The following CAMK1D variants were observed in gnomAD, a reference collection of about 807,000 sequenced individuals.
CAMK1D encodes calcium/calmodulin-dependent protein kinase type 1D.
In CAMK1D, 9 loss-of-function variants were observed where a neutral mutation model predicts 47.7. That is an observed-to-expected ratio of 0.19 (90% CI 0.11 to 0.33). The LOEUF is 0.33. CAMK1D is among the 10% of genes least tolerant of loss of function. The pLI, the probability that CAMK1D is intolerant of heterozygous loss-of-function variation, is 1.00. For synonymous variants in CAMK1D, 184 were observed against 184.9 expected, an observed-to-expected ratio of 0.99 and a Z score of 0.04; for missense variants, 291 against 488.7, an observed-to-expected ratio of 0.60 and a Z score of 3.81.
chr10:12,695,603 C>T (rs1833259195), intron 3 of CAMK1D, among the ~76,000 whole-genome samples: 1 of 152,156 alleles, frequency 6.6e-6, no homozygotes, highest in Non-Finnish European at 1.5e-5. Context: ...GCTGTAGTCA[C>T]TGTGGGATGC....
chr10:12,422,713 C>T (rs1840097848), intron 1 of CAMK1D, among the ~76,000 whole-genome samples: 1 of 151,780 alleles, frequency 6.6e-6, no homozygotes, highest in African/African-American at 2.4e-5. Context: ...CAGTCTGTCG[C>T]CCAGGCTGGA....
chr10:12,679,414 T>C (rs1477335623), intron 3 of CAMK1D, among the ~76,000 whole-genome samples: 3 of 152,186 alleles, frequency 2.0e-5, no homozygotes, highest in Non-Finnish European at 4.4e-5. Flanking sequence ...GTAAAATATA[T>C]TAAAAAAATA....
chr10:12,578,793 A>G (rs920655104), intron 2 of CAMK1D: 1 of 154,198 alleles, frequency 6.5e-6, no homozygotes, highest in African/African-American at 2.4e-5. Context: ...CCAGGGAGTA[A>G]GTAGCCAAGT....
At chr10:12,632,887 G>A (rs1359068211) in intron 2 of CAMK1D, among the ~76,000 whole-genome samples, 6 of 152,096 alleles carry the variant, frequency 3.9e-5, no homozygotes, top group Non-Finnish European at 8.8e-5. Flanking sequence ...TAGAGACGAG[G>A]TTTCACCGTT....
intron 3 of CAMK1D, among the ~76,000 whole-genome samples, chr10:12,681,868 A>G (rs1432574809): frequency 6.6e-6 from 1 of 152,244 alleles, no homozygotes; most frequent in Non-Finnish European, 1.5e-5. Context: ...AACTTGAAAT[A>G]TATTCCTACA....
chr10:12,807,661 G>C (rs1372959547), intron 6 of CAMK1D, among the ~76,000 whole-genome samples: 1 of 152,204 alleles, frequency 6.6e-6, no homozygotes, highest in Non-Finnish European at 1.5e-5. Flanking sequence ...CCTGCTCCTT[G>C]TCCTGCATTC....
intron 2 of CAMK1D, among the ~76,000 whole-genome samples, chr10:12,664,502 A>G (rs766461245): frequency 3.9e-5 from 6 of 152,226 alleles, no homozygotes; most frequent in African/African-American, 7.2e-5. Flanking sequence ...GGGGTCCGCA[A>G]TGATAGCTAG....
intron 6 of CAMK1D, among the ~76,000 whole-genome samples, chr10:12,792,920 G>T (rs781452996): frequency 6.6e-6 from 1 of 151,002 alleles, no homozygotes; most frequent in South Asian, 2.1e-4. Context: ...TCTAATGAAG[G>T]TCATGGATCC....
intron 2 of CAMK1D, among the ~76,000 whole-genome samples, chr10:12,584,745 G>C (rs543455902): frequency 6.6e-6 from 1 of 152,118 alleles, no homozygotes; most frequent in Non-Finnish European, 1.5e-5. Flanking sequence ...GCTTGAGCCC[G>C]GGAGGTCAAA....
chr10:12,385,386 G>T (rs560414961), intron 1 of CAMK1D, among the ~76,000 whole-genome samples: 2 of 152,314 alleles, frequency 1.3e-5, no homozygotes, highest in East Asian at 1.9e-4. Flanking sequence ...GAAAGTGTAC[G>T]TATCCATACA....
chr10:12,734,399 T>G (rs59222270), intron 3 of CAMK1D, among the ~76,000 whole-genome samples: 57,155 of 63,210 alleles, frequency 0.9, 26,637 homozygotes, highest in Non-Finnish European at 0.98. Flanking sequence ...TAGATATATA[T>G]ATATATACAC....
chr10:12,634,784 C>A (rs1431200075), intron 2 of CAMK1D, among the ~76,000 whole-genome samples: 1 of 152,092 alleles, frequency 6.6e-6, no homozygotes, highest in Non-Finnish European at 1.5e-5. Flanking sequence ...CTTCTCTCTG[C>A]CGCTGGGAGG....
At chr10:12,819,766 C>T (rs1020943848) in intron 8 of CAMK1D, among the ~76,000 whole-genome samples, 8 of 152,016 alleles carry the variant, frequency 5.3e-5, no homozygotes, top group African/African-American at 9.7e-5. Flanking sequence ...AGTGTGGGAG[C>T]GTGGCCAGAG....
chr10:12,793,317 A>C (rs528481121), intron 6 of CAMK1D, among the ~76,000 whole-genome samples: 1 of 152,180 alleles, frequency 6.6e-6, no homozygotes, highest in South Asian at 2.1e-4. Context: ...GTCTGCACGA[A>C]TGTCTGTGGA....
intron 3 of CAMK1D, 77 bp from the exon 4 acceptor site, chr10:12,760,870 GA>G (rs1836470313): frequency 6.6e-7 from 1 of 1,519,416 alleles, no homozygotes; most frequent in African/African-American, 1.4e-5. Context: ...TAAAGTTTGG[GA>G]TTTTTTTCAC....
At chr10:12,508,907 C>T (rs990415165) in intron 1 of CAMK1D, among the ~76,000 whole-genome samples, 1 of 152,222 alleles carries the variant, frequency 6.6e-6, no homozygotes, top group Non-Finnish European at 1.5e-5. Flanking sequence ...CACAAGGACA[C>T]TCCTGGAAAA....
intron 1 of CAMK1D, among the ~76,000 whole-genome samples, chr10:12,395,352 A>G (rs1372556325): frequency 6.6e-6 from 1 of 151,576 alleles, no homozygotes; most frequent in Non-Finnish European, 1.5e-5. Flanking sequence ...GAAATTCCCA[A>G]CCCTCTAATC....
intron 2 of CAMK1D, among the ~76,000 whole-genome samples, chr10:12,658,731 A>C (rs763794225): frequency 3.0e-4 from 45 of 152,156 alleles, no homozygotes; most frequent in Non-Finnish European, 6.2e-4. Context: ...TGGCTGGGGC[A>C]GTTGGAGGAG....
chr10:12,830,964 C>CACACACAA lies in CAMK1D; in HGVS notation c.*2078_*2079insCACACAAA, dbSNP rs529970088. The stretch of plus-strand genomic sequence containing the variant: ...ACACACACACACACACACACACACA[C>CACACACAA]AATGTTATTAGGCACAGCAGCTCCA... On this transcript the variant is annotated 3_prime_UTR_variant, in exon 11 of 11. Transcript: ENST00000619168. 0.052 allele frequency: 4,647 copies of CACACACAA among 89,692 alleles called. 114 individuals are homozygous for CACACACAA. The highest frequency in any genetic ancestry group is 0.076 in the Non-Finnish European group (3,090 of 40,608). The allele number at this position is 89,692 out of a possible 1,614,324, so 5.6% of individuals were successfully genotyped here. A position where few individuals can be genotyped will look rare whatever the true frequency, so the allele number is the denominator to read the frequency against.
Sources: allele counts gnomAD v4.1 joint callset (sites outside exome capture counted in the v4.1 genomes callset), GRCh38; gene constraint gnomAD v4.1.1; transcripts MANE v1.5; gene names NCBI Gene and HGNC (gene_info 2026-07-23, HGNC 2026-07-21).